The following SMARCA2 variants were observed in gnomAD, a reference collection of about 807,000 sequenced individuals.
The protein encoded by SMARCA2 is SWI/SNF related BAF chromatin remodeling complex subunit ATPase 2, also known as SWI/SNF-related matrix-associated actin-dependent regulator of chromatin subfamily A member 2.
SMARCA2 carries 61 observed loss-of-function variants against 199.8 expected under a neutral mutation model. The observed-to-expected ratio is 0.31, with a 90% CI of 0.25 to 0.38. The LOEUF (loss-of-function observed/expected upper bound fraction) is 0.38, where lower values mean the gene tolerates loss of function less well. SMARCA2 is among the 10% of genes least tolerant of loss of function. The pLI, the probability that SMARCA2 is intolerant of heterozygous loss-of-function variation, is 1.00. For synonymous variants in SMARCA2, 935 were observed against 732.0 expected (o/e 1.28, Z -4.48); for missense variants, 1,344 against 2,012.2 (o/e 0.67, Z 6.35).
At chr9:2,022,989 T>A (rs1321980867) in intron 1 of SMARCA2, among the ~76,000 whole-genome samples, 2 of 152,246 alleles carry the variant, frequency 1.3e-5, no homozygotes, top group African/African-American at 4.8e-5. Flanking sequence ...TGCTTTGCTC[T>A]AAAGGGTTTC....
intron 27 of SMARCA2, among the ~76,000 whole-genome samples, chr9:2,147,716 GGGCA>G (rs1235168552): frequency 4.1e-5 from 6 of 147,186 alleles, no homozygotes; most frequent in Non-Finnish European, 9.3e-5. Flanking sequence ...CGTGGTGGGC[GGGCA>G]CTTGTAATCC....
chr9:2,052,212 G>A (rs1163001107), intron 5 of SMARCA2, among the ~76,000 whole-genome samples: 1 of 152,268 alleles, frequency 6.6e-6, no homozygotes, highest in Non-Finnish European at 1.5e-5. Flanking sequence ...GGTGGCTCAT[G>A]CCTGTAATCC....
chr9:2,109,494 G>A (rs190789605), intron 23 of SMARCA2, among the ~76,000 whole-genome samples: 1 of 152,206 alleles, frequency 6.6e-6, no homozygotes, highest in African/African-American at 2.4e-5. Context: ...TCACTATTTT[G>A]GAGCCTCTTC....
Position 2,101,623 on chromosome 9 carries a change from C to T in SMARCA2, c.3125+7C>T, listed in dbSNP as rs1586706240. ...CAAATGGGGTCATCAATGGGTAAAT[C>T]TCAAATTTTTTTTTCTTTTAAAAAA... On this transcript the variant is annotated splice_region_variant and intron_variant, in intron 22 of 33. Transcript: ENST00000349721. The T allele has an allele frequency of 3.3e-6, 5 of 1,510,858 alleles. No homozygotes were observed. The highest frequency in any genetic ancestry group is 1.7e-4 in the Middle Eastern group (1 of 5,786). 93.6% of individuals were successfully genotyped at this position (1,510,858 alleles called of 1,614,324 possible).
chr9:2,022,926 C>A (rs1405740966), intron 1 of SMARCA2, among the ~76,000 whole-genome samples: 2 of 152,214 alleles, frequency 1.3e-5, no homozygotes, highest in Non-Finnish European at 1.5e-5. Context: ...AAGTGATTTT[C>A]ATCTGTGATT....
At chr9:2,094,496 C>T (rs944328343) in intron 19 of SMARCA2, among the ~76,000 whole-genome samples, 5 of 152,210 alleles carry the variant, frequency 3.3e-5, no homozygotes, top group South Asian at 2.1e-4. Flanking sequence ...AAGCATCAGC[C>T]ATGCCTTCCA....
rs185931582 is a variant in SMARCA2 at position 2,148,200 on chromosome 9, A to G, written c.3982-13486A>G. On this transcript the variant is annotated intron_variant, in intron 27 of 33. Coordinates refer to ENST00000349721, the MANE Select transcript of SMARCA2 (RefSeq NM_003070.5). The stretch of plus-strand genomic sequence containing the variant: ...TTCTTCTCACAGTTACATTATATTC[A>G]TTTATGTAAGTACTATCTAATTGAA... 4.2e-3 allele frequency among the ~76,000 whole-genome samples: 637 copies of G among 151,720 alleles called. 39 individuals carry two copies. The highest frequency in any genetic ancestry group is 4.5e-3 in the Non-Finnish European group (307 of 67,744).
chr9:2,115,654 A>G lies in SMARCA2; in HGVS notation c.3457-168A>G, dbSNP rs898414505. 2.5e-4 allele frequency among the ~76,000 whole-genome samples: 38 copies of G among 152,206 alleles called. No homozygotes were observed. Among genetic ancestry groups the G allele is most frequent in the Admixed American group, 2.4e-3 (37 of 15,278 alleles). ...CCAGGTTTCTTCAACTAGGAATGAC[A>G]CTGAATTTTTCCAAACGTAGCTTGT... On this transcript the variant is annotated intron_variant, in intron 24 of 33. Transcript: ENST00000349721. This position sits in a 1 kb window ranked among gnomAD's most constrained non-coding sequence, Gnocchi z 6.0.
chr9:2,050,295 G>A (rs1372055180), intron 5 of SMARCA2, among the ~76,000 whole-genome samples: 4 of 151,202 alleles, frequency 2.6e-5, no homozygotes, highest in Non-Finnish European at 5.9e-5. Flanking sequence ...TCCATAGTAA[G>A]TGTCAGAGAG....
In SMARCA2 at chr9:2,033,084, T is replaced by C; in HGVS notation, c.355+3T>C. 6.2e-7 allele frequency: 1 copy of C among 1,613,880 alleles called. No homozygotes were observed. Among genetic ancestry groups the C allele is most frequent in the South Asian group, 1.1e-5 (1 of 91,056 alleles). ...TCCAATGGATCAACACAGCCAAGGT[T>C]TGTGTCCGCTGCACACCTGATACTG... On this transcript the variant is annotated splice_donor_region_variant and intron_variant, in intron 3 of 33. Coordinates refer to ENST00000349721, the MANE Select transcript of SMARCA2 (RefSeq NM_003070.5).
intron 27 of SMARCA2, among the ~76,000 whole-genome samples, chr9:2,125,343 T>G (rs1414957611): frequency 2.0e-5 from 3 of 152,218 alleles, no homozygotes; most frequent in Non-Finnish European, 4.4e-5. Flanking sequence ...ATTGAGATTA[T>G]AGTTATGTAA....
intron 27 of SMARCA2, among the ~76,000 whole-genome samples, chr9:2,153,202 T>C (rs1217801712): frequency 6.6e-6 from 1 of 152,194 alleles, no homozygotes; most frequent in Non-Finnish European, 1.5e-5. Context: ...GTATTCTATA[T>C]CGTAAGTTAT....
intron 2 of SMARCA2, among the ~76,000 whole-genome samples, chr9:2,029,721 A>G (rs1259756765): frequency 6.6e-6 from 1 of 152,256 alleles, no homozygotes; most frequent in Non-Finnish European, 1.5e-5. Flanking sequence ...CTTTATTGAA[A>G]TTAAATAGTT....
At chr9:2,145,933 G>A (rs552224886) in intron 27 of SMARCA2, among the ~76,000 whole-genome samples, 2 of 152,340 alleles carry the variant, frequency 1.3e-5, no homozygotes, top group South Asian at 2.1e-4. Context: ...GATTGGGAAA[G>A]ACATCCCAGG....
In SMARCA2 at chr9:2,186,552, G is replaced by A. The variant is rs1264584881; in HGVS notation, c.4594+324G>A. Among the ~76,000 whole-genome samples, 4 of 152,240 alleles carry A rather than the reference G, an allele frequency of 2.6e-5. No individual in the cohort carries two copies. The East Asian group carries it at 7.7e-4, about 29-fold the overall frequency. On this transcript the variant is annotated intron_variant, in intron 32 of 33. Transcript: ENST00000349721. The stretch of plus-strand genomic sequence containing the variant: ...CTCACTCTGTCACCCAGGCCGGAGT[G>A]CAGTGGCATGATCTTAGCTCACTGC...
chr9:2,142,155 G>C (rs1421279600), intron 27 of SMARCA2, among the ~76,000 whole-genome samples: 1 of 152,162 alleles, frequency 6.6e-6, no homozygotes, highest in Non-Finnish European at 1.5e-5. Flanking sequence ...CTCTACCTTT[G>C]GGCTAGTGGG....
chr9:2,073,767 T>G, intron 12 of SMARCA2, 144 bp downstream of exon 12: 1 of 647,972 alleles, frequency 1.5e-6, no homozygotes, highest in South Asian at 1.9e-5. Flanking sequence ...GGGCTAAGGA[T>G]TTACAAATGC....
chr9:2,129,344 G>C (rs1823837290), intron 27 of SMARCA2, among the ~76,000 whole-genome samples: 1 of 152,152 alleles, frequency 6.6e-6, no homozygotes, highest in South Asian at 2.1e-4. Context: ...CTTGAACCCG[G>C]GAGGCAGAGG....
chr9:2,060,863 C>T lies in SMARCA2; in HGVS notation c.1569C>T (p.Asp523=), dbSNP rs1019766057. 1.2e-6 allele frequency: 2 copies of T among 1,614,008 alleles called. No individual in the cohort carries two copies. Among genetic ancestry groups the T allele is most frequent in the African/African-American group, 2.7e-5 (2 of 74,928 alleles). ...GYRKLIDQKK[D]RRLAYLLQQT... ...GAAAACTGATTGATCAAAAGAAAGA[C>T]AGGCGTTTAGCTTACCTTTTGCAGC... Residue 523 remains aspartate, a synonymous_variant, in exon 9 of 34, where the codon GAC becomes GAT. Coordinates refer to ENST00000349721, the MANE Select transcript of SMARCA2 (RefSeq NM_003070.5).
Sources: allele counts gnomAD v4.1 joint callset (sites outside exome capture counted in the v4.1 genomes callset), GRCh38; gene constraint gnomAD v4.1.1; non-coding constraint Gnocchi (gnomAD v3.1); transcripts MANE v1.5; gene names NCBI Gene and HGNC (gene_info 2026-07-23, HGNC 2026-07-21).